TBCK: variants seen among roughly 807,000 people sequenced by gnomAD.
The protein encoded by TBCK is TBC1 domain containing kinase, also known as TBC domain-containing protein kinase-like protein.
TBCK carries 99 observed loss-of-function variants against 113.4 expected under a neutral mutation model. The observed-to-expected ratio is 0.87, with a 90% confidence interval of 0.74 to 1.03. The LOEUF (loss-of-function observed/expected upper bound fraction) is 1.03, where lower values mean the gene tolerates loss of function less well. TBCK is among the 50% of genes least tolerant of loss of function. The pLI is 0.00. For missense variants in TBCK, 1,045 were observed against 1,061.3 expected, an observed-to-expected ratio of 0.98 and a Z score of 0.21; for synonymous variants, 369 against 370.8, an observed-to-expected ratio of 1.00 and a Z score of 0.05.
chr4:106,098,261 G>C (rs1263737956), intron 24 of TBCK, among the ~76,000 whole-genome samples: 3 of 151,974 alleles, frequency 2.0e-5, no homozygotes, highest in Non-Finnish European at 4.4e-5. Context: ...CACACTTAAA[G>C]AGGTTCTATA....
At chr4:106,049,911 T>G (rs1289060309) in intron 25 of TBCK, among the ~76,000 whole-genome samples, 1 of 152,028 alleles carries the variant, frequency 6.6e-6, no homozygotes, top group African/African-American at 2.4e-5. Flanking sequence ...CCCAGGTGAT[T>G]CTAATGTGTA....
intron 3 of TBCK, among the ~76,000 whole-genome samples, chr4:106,286,970 T>C (rs752450897): frequency 3.3e-5 from 5 of 152,140 alleles, no homozygotes; most frequent in Non-Finnish European, 7.3e-5. Flanking sequence ...AATCACCAAC[T>C]TCTTTCGCCT....
At chr4:106,095,344 A>G (rs1215636684) in intron 25 of TBCK, 138 bp downstream of exon 25, 2 of 700,976 alleles carry the variant, frequency 2.9e-6, no homozygotes, top group East Asian at 3.2e-5. Context: ...ACTCTTCCAT[A>G]TAAGAACACA....
At chr4:106,300,930 T>G (rs373662715) in intron 2 of TBCK, among the ~76,000 whole-genome samples, 11 of 152,078 alleles carry the variant, frequency 7.2e-5, no homozygotes, top group East Asian at 3.9e-4. Context: ...GTGAGACTCC[T>G]GTCTCTGAAA....
intron 5 of TBCK, among the ~76,000 whole-genome samples, chr4:106,255,311 A>T (rs1363145212): frequency 6.6e-6 from 1 of 152,182 alleles, no homozygotes. Flanking sequence ...CGTTCCATCC[A>T]CTTGGACTGG....
intron 25 of TBCK, among the ~76,000 whole-genome samples, chr4:106,092,627 C>T (rs1039614327): frequency 1.1e-4 from 16 of 152,252 alleles, no homozygotes; most frequent in African/African-American, 1.7e-4. Context: ...GCGCACCCTC[C>T]GCAGCTGCTG....
chr4:106,306,673 G>A (rs981631191), intron 2 of TBCK, among the ~76,000 whole-genome samples: 1 of 152,058 alleles, frequency 6.6e-6, no homozygotes, highest in African/African-American at 2.4e-5. Context: ...AGAAAGACAG[G>A]TTCCTAAATA....
rs1438771366 is a variant in TBCK at position 106,248,969 on chromosome 4, G to T, written c.672C>A (p.Asp224Glu). The T allele has an allele frequency of 3.7e-6, 6 of 1,606,110 alleles. No homozygotes were observed. Among genetic ancestry groups the T allele is most frequent in the Non-Finnish European group, 4.2e-6 (5 of 1,176,928 alleles). Residue 224 changes from aspartate (D) to glutamate (E), a missense_variant, in exon 8 of 26, where the codon GAC (aspartate) becomes GAA (glutamate). Transcript: ENST00000394708. ...GCTCTTCAGCCAGAACTATTAAAGT[G>T]TCATCTACACAATCTATAAAACAGA... is the stretch of plus-strand genomic sequence containing the variant. ...KFLLTLDCVD[D>E]TLIVLAEEHG...
intron 19 of TBCK, among the ~76,000 whole-genome samples, chr4:106,226,694 T>C (rs188754916): frequency 4.3e-4 from 66 of 152,284 alleles, no homozygotes; most frequent in Middle Eastern, 3.4e-3. Flanking sequence ...CTTCTCAGTG[T>C]CTTTGGTCAC....
At chr4:106,161,811 G>C (rs1283357603) in intron 23 of TBCK, among the ~76,000 whole-genome samples, 1 of 151,978 alleles carries the variant, frequency 6.6e-6, no homozygotes, top group Non-Finnish European at 1.5e-5. Context: ...ATAACCGGAA[G>C]CCATGGTAAC....
In TBCK at chr4:106,114,998, A is replaced by G. The variant is rs527454845; in HGVS notation, c.2411+1205T>C. 7.2e-5 allele frequency among the ~76,000 whole-genome samples: 11 copies of G among 152,348 alleles called. No individual in the cohort carries two copies. In the South Asian group the frequency reaches 2.1e-3, roughly 29 times the overall value. Reference sequence around the variant, plus strand: ...ATACTCTCTCCAAACTCAGAAAAATAGAAAGTAGCAACTTTTCACAAAATG... The same window carrying G: ...ATACTCTCTCCAAACTCAGAAAAATGGAAAGTAGCAACTTTTCACAAAATG... On this transcript the variant is annotated intron_variant, in intron 24 of 25. Coordinates refer to ENST00000394708, the MANE Select transcript of TBCK (RefSeq NM_001163435.3).
At chr4:106,124,706 A>G (rs1473660315) in intron 23 of TBCK, among the ~76,000 whole-genome samples, 14 of 152,166 alleles carry the variant, frequency 9.2e-5, no homozygotes, top group African/African-American at 3.4e-4. Flanking sequence ...TTGTAGGGAC[A>G]TGGATGAAAT....
chr4:106,259,381 G>T (rs1395239563), intron 5 of TBCK, among the ~76,000 whole-genome samples: 1 of 151,632 alleles, frequency 6.6e-6, no homozygotes, highest in Non-Finnish European at 1.5e-5. Flanking sequence ...GCCCAAAGAG[G>T]AAAACACAAA....
intron 2 of TBCK, among the ~76,000 whole-genome samples, chr4:106,299,290 A>G (rs1045355656): frequency 6.6e-6 from 1 of 152,252 alleles, no homozygotes; most frequent in South Asian, 2.1e-4. Context: ...TGTCCTGTGT[A>G]GAAAATTACA....
intron 22 of TBCK, among the ~76,000 whole-genome samples, chr4:106,185,991 T>C (rs748210891): frequency 3.3e-5 from 5 of 152,144 alleles, no homozygotes; most frequent in African/African-American, 1.2e-4. Context: ...TATTTGATTT[T>C]CTGTTCCTGC....
intron 25 of TBCK, among the ~76,000 whole-genome samples, chr4:106,052,443 C>T (rs1734917801): frequency 1.3e-5 from 2 of 151,660 alleles, no homozygotes; most frequent in South Asian, 4.2e-4. Context: ...ATAACTACTC[C>T]AATGTTATCT....
chr4:106,154,626 CCT>C (rs939187689), intron 23 of TBCK, among the ~76,000 whole-genome samples: 12 of 152,086 alleles, frequency 7.9e-5, no homozygotes, highest in Admixed American at 2.0e-4. Flanking sequence ...GCATCTCCCC[CCT>C]CTCTTATTCC....
At chr4:106,253,420 T>C (rs1449608686) in intron 5 of TBCK, among the ~76,000 whole-genome samples, 1 of 152,176 alleles carries the variant, frequency 6.6e-6, no homozygotes. Flanking sequence ...TTGCACAGAA[T>C]GCCATGTATG....
At chr4:106,135,474 C>T (rs1452354637) in intron 23 of TBCK, among the ~76,000 whole-genome samples, 1 of 96,948 alleles carries the variant, frequency 1.0e-5, no homozygotes, top group Non-Finnish European at 2.7e-5. Context: ...TTGTAAGATT[C>T]CATGTATGGA....
Sources: allele counts gnomAD v4.1 joint callset (sites outside exome capture counted in the v4.1 genomes callset), GRCh38; gene constraint gnomAD v4.1.1; transcripts MANE v1.5; gene names NCBI Gene and HGNC (gene_info 2026-07-23, HGNC 2026-07-21).